ITGA11: variants seen among roughly 807,000 people sequenced by gnomAD.
The protein encoded by ITGA11 is integrin alpha-11.
In ITGA11, 97 loss-of-function variants were observed where a neutral mutation model predicts 141.9. The ratio of observed to expected loss-of-function variants is 0.68; its 90% confidence interval spans 0.58 to 0.81. The LOEUF is 0.81. Ranked by LOEUF, ITGA11 falls within the 30% of genes least tolerant of loss-of-function variation. The probability of loss-of-function intolerance (pLI) is 0.00; values close to 1 mark genes in which losing one functional copy is unlikely to be tolerated. For missense variants in ITGA11, 1,387 were observed against 1,559.2 expected, an observed-to-expected ratio of 0.89 and a Z score of 1.86; for synonymous variants, 658 against 624.6, an observed-to-expected ratio of 1.05 and a Z score of -0.80.
At chr15:68,350,842 C>A (rs961399094) in intron 8 of ITGA11, 60 bp from the exon 9 acceptor site, 5 of 1,552,596 alleles carry the variant, frequency 3.2e-6, no homozygotes, top group South Asian at 1.2e-5. Context: ...TTCCCATACA[C>A]CACACGGCCT....
At chr15:68,419,690 G>A (rs1386688345) in intron 1 of ITGA11, among the ~76,000 whole-genome samples, 1 of 152,188 alleles carries the variant, frequency 6.6e-6, no homozygotes, top group Non-Finnish European at 1.5e-5. Flanking sequence ...AAACATGAAG[G>A]CCAAACATTT....
At position 68,317,289 on chromosome 15, in the gene ITGA11, A is replaced by T; in HGVS notation, c.2691T>A (p.Tyr897Ter). Residue 897 changes from tyrosine (Y) to a stop codon, truncating the protein, a stop_gained, in exon 21 of 30, where the codon TAT (tyrosine) becomes TAA (stop). Coordinates refer to ENST00000315757, the MANE Select transcript of ITGA11 (RefSeq NM_001004439.2). LOFTEE classifies it high-confidence loss of function. Reference protein sequence around the residue: ...RLQKQVCNVSYPFFRAKAKVA... With the variant: ...RLQKQVCNVS ...CCTTGGCCTTGGCCCGGAAGAAGGGATAGCTGACGTTGCAGACTTGCTTCT... is the reference window on the plus strand; with the variant it reads ...CCTTGGCCTTGGCCCGGAAGAAGGGTTAGCTGACGTTGCAGACTTGCTTCT... 6.2e-7 allele frequency: 1 copy of T among 1,611,746 alleles called. No individual in the cohort carries two copies. Among genetic ancestry groups the T allele is most frequent in the Non-Finnish European group, 8.5e-7 (1 of 1,178,608 alleles).
intron 7 of ITGA11, among the ~76,000 whole-genome samples, chr15:68,351,722 C>G (rs1189148005): frequency 6.6e-6 from 1 of 151,334 alleles, no homozygotes; most frequent in South Asian, 2.1e-4. Flanking sequence ...CAAGTGGCAA[C>G]CTTTAGAGGC....
In ITGA11 at chr15:68,339,555, G is replaced by A. The variant is rs778151706; in HGVS notation, c.1221C>T (p.Arg407=). Residue 407 remains arginine (R), a synonymous_variant, in exon 11 of 30, where the codon CGC becomes CGT. Transcript: ENST00000315757. ...ETSAGKVIPL[R]ESYLKEFPEE... Reference sequence around the variant, plus strand: ...CGGGGAACTCTTTCAGGTAGGACTCGCGGAGAGGAATGACCTTCCCGGCAC... The same window carrying A: ...CGGGGAACTCTTTCAGGTAGGACTCACGGAGAGGAATGACCTTCCCGGCAC... The A allele has an allele frequency of 1.6e-5, 26 of 1,613,808 alleles. No individual in the cohort carries two copies. Among genetic ancestry groups the A allele is most frequent in the East Asian group, 4.5e-5 (2 of 44,880 alleles).
chr15:68,307,580 A>G lies in ITGA11; in HGVS notation c.3285+6T>C, dbSNP rs377083908. On this transcript the variant is annotated splice_donor_region_variant and intron_variant, in intron 27 of 29. Transcript: ENST00000315757. This position sits in a 1 kb window ranked among gnomAD's most constrained non-coding sequence, Gnocchi z 6.1. Reference sequence around the variant, plus strand: ...CCTTCCAGCCCAGCCCAGGGGCTCTACTTACTGCTTTTAGGGACCTCAACC... The same window carrying G: ...CCTTCCAGCCCAGCCCAGGGGCTCTGCTTACTGCTTTTAGGGACCTCAACC... 6.2e-7 allele frequency: 1 copy of G among 1,603,688 alleles called. No individual in the cohort carries two copies. The highest frequency in any genetic ancestry group is 2.2e-5 in the East Asian group (1 of 44,840).
chr15:68,309,668 C>T (rs1481189803), intron 26 of ITGA11, among the ~76,000 whole-genome samples: 1 of 143,744 alleles, frequency 7.0e-6, no homozygotes, highest in Non-Finnish European at 1.5e-5. Flanking sequence ...CAACTTGGCT[C>T]ATTGCAACGT....
chr15:68,310,928 C>T (rs1893357809), intron 26 of ITGA11, 66 bp downstream of exon 26: 7 of 1,261,232 alleles, frequency 5.6e-6, no homozygotes, highest in Non-Finnish European at 7.9e-6. Context: ...GGGAAATGGC[C>T]CGCAGAGCAC....
At chr15:68,323,196 G>T (rs1390064965) in intron 18 of ITGA11, among the ~76,000 whole-genome samples, 1 of 152,206 alleles carries the variant, frequency 6.6e-6, no homozygotes, top group African/African-American at 2.4e-5. Flanking sequence ...CGACTGCAAT[G>T]GTAGCCAGCG....
At position 68,333,855 on chromosome 15, in the gene ITGA11, G is replaced by A. The variant is rs1202340958; in HGVS notation, c.1426-1377C>T. On this transcript the variant is annotated intron_variant, in intron 12 of 29. Coordinates refer to ENST00000315757, the MANE Select transcript of ITGA11 (RefSeq NM_001004439.2). This position sits in a 1 kb window ranked among gnomAD's most constrained non-coding sequence, Gnocchi z 4.2. Reference sequence around the variant, plus strand: ...CTCCTGCTCCCACTGCAGTGCTCCCGGGTCCTGCCAAACTGAGTTATTTCT... The same window carrying A: ...CTCCTGCTCCCACTGCAGTGCTCCCAGGTCCTGCCAAACTGAGTTATTTCT... Among the ~76,000 whole-genome samples the A allele has an allele frequency of 3.3e-5, 5 of 152,114 alleles. No homozygotes were observed. Among genetic ancestry groups the A allele is most frequent in the African/African-American group, 4.8e-5 (2 of 41,424 alleles).
chr15:68,369,958 C>T (rs962614569), intron 2 of ITGA11, among the ~76,000 whole-genome samples: 1 of 152,128 alleles, frequency 6.6e-6, no homozygotes, highest in Non-Finnish European at 1.5e-5. Context: ...GGCAAGTGTC[C>T]TGAAGAGGAA....
At chr15:68,424,763 A>G (rs1237917420) in intron 1 of ITGA11, among the ~76,000 whole-genome samples, 2 of 152,246 alleles carry the variant, frequency 1.3e-5, no homozygotes, top group Non-Finnish European at 2.9e-5. Context: ...CAGGAATTTT[A>G]AGTCCCAGCT....
rs752785959 is a variant in ITGA11, at chr15:68,325,122, G to A, written c.2322+9C>T. On this transcript the variant is annotated intron_variant, in intron 18 of 29. Transcript: ENST00000315757. The surrounding 1 kb of genome is among the most constrained non-coding windows in gnomAD (Gnocchi z 5.5). ...ATGCCCGAGGTGCGTGCCCTGTACC[G>A]AGATGTACCGAGACTCTGAGAGTGG... is the stretch of plus-strand genomic sequence containing the variant. The A allele has an allele frequency of 1.9e-5, 31 of 1,606,350 alleles. 1 individual carries two copies. In the Middle Eastern group the frequency reaches 8.3e-4, roughly 43 times the overall value.
intron 2 of ITGA11, among the ~76,000 whole-genome samples, chr15:68,390,284 C>A (rs1405161556): frequency 6.6e-6 from 1 of 152,242 alleles, no homozygotes; most frequent in Middle Eastern, 3.4e-3. Flanking sequence ...TCTTATCCTC[C>A]AACTGTTTAC....
In ITGA11 at chr15:68,303,037, A is replaced by T. The variant is rs1270710944; in HGVS notation, c.*22T>A. 1 of 1,542,274 alleles carries T rather than the reference A, an allele frequency of 6.5e-7. No homozygotes were observed. The highest frequency in any genetic ancestry group is 1.4e-5 in the African/African-American group (1 of 72,630). ...TGGACTGGTGTCCTGGCCCCCATCA[A>T]CTCAAAGTCTCCTCTGGAGCCTCAC... On this transcript the variant is annotated 3_prime_UTR_variant, in exon 30 of 30. Coordinates refer to ENST00000315757, the MANE Select transcript of ITGA11 (RefSeq NM_001004439.2). This position sits in a 1 kb window ranked among gnomAD's most constrained non-coding sequence, Gnocchi z 5.3.
intron 1 of ITGA11, among the ~76,000 whole-genome samples, chr15:68,404,662 G>A (rs1225662290): frequency 1.3e-5 from 2 of 152,114 alleles, no homozygotes; most frequent in African/African-American, 4.8e-5. Flanking sequence ...CAGCAGGTCA[G>A]TGGTAGCATC....
chr15:68,328,116 T>C lies in ITGA11; in HGVS notation c.2048A>G (p.His683Arg). The part of the protein sequence containing the change: ...LCFTPIFLAP[H>R]FQTTTVGIRY... ...TTTACCAACAGTTGTTGTTTGGAAA[T>C]GGGGTGCCAGGAAGATGGGCGTGAA... Residue 683 changes from histidine (H) to arginine (R), a missense_variant, in exon 16 of 30, where the codon CAT (histidine) becomes CGT (arginine). Physicochemically the swap from His to Arg is conservative, Grantham distance 29 (BLOSUM62 0). Coordinates refer to ENST00000315757, the MANE Select transcript of ITGA11 (RefSeq NM_001004439.2). This position sits in a 1 kb window ranked among gnomAD's most constrained non-coding sequence, Gnocchi z 4.8. 4 of 1,613,416 alleles carry C rather than the reference T, an allele frequency of 2.5e-6. No individual in the cohort carries two copies. In the South Asian group the frequency reaches 3.3e-5, roughly 13 times the overall value.
intron 2 of ITGA11, among the ~76,000 whole-genome samples, chr15:68,396,413 A>G (rs1896242836): frequency 1.3e-5 from 2 of 152,094 alleles, no homozygotes; most frequent in Admixed American, 1.3e-4. Context: ...ATAGAAAAAA[A>G]CTTCTTTAAT....
intron 2 of ITGA11, among the ~76,000 whole-genome samples, chr15:68,400,077 A>G (rs1259515281): frequency 6.6e-6 from 1 of 152,170 alleles, no homozygotes. Flanking sequence ...AGATAAATAG[A>G]CAAATGGAAT....
intron 2 of ITGA11, among the ~76,000 whole-genome samples, chr15:68,395,994 C>G (rs1302868549): frequency 6.6e-6 from 1 of 151,800 alleles, no homozygotes; most frequent in Non-Finnish European, 1.5e-5. Context: ...ATCTTATGTT[C>G]TACCAGAGAA....
Sources: gnomAD v4.1 joint callset for allele counts (sites outside exome capture counted in the v4.1 genomes callset) on GRCh38, gnomAD v4.1.1 for gene constraint, Gnocchi (gnomAD v3.1) non-coding constraint, MANE v1.5 for transcripts, NCBI Gene and HGNC (gene_info 2026-07-23, HGNC 2026-07-21) for gene names.